The following TSC22D1 variants were observed in gnomAD, a reference collection of about 807,000 sequenced individuals.
TSC22D1 encodes the protein TSC22 domain family member 1.
In TSC22D1, 9 loss-of-function variants were observed where a neutral mutation model predicts 74.2. That is an observed-to-expected ratio of 0.12 (90% CI 0.07 to 0.21). The LOEUF (loss-of-function observed/expected upper bound fraction) is 0.21, where lower values mean the gene tolerates loss of function less well. Ranked by LOEUF, TSC22D1 falls within the 10% of genes least tolerant of loss-of-function variation. The pLI is 1.00. For synonymous variants in TSC22D1, 586 were observed against 492.5 expected (o/e 1.19, Z -2.51); for missense variants, 1,427 against 1,304.7 (o/e 1.09, Z -1.44).
At chr13:44,471,339 C>G (rs1877592441) in intron 1 of TSC22D1, among the ~76,000 whole-genome samples, 1 of 152,148 alleles carries the variant, frequency 6.6e-6, no homozygotes, top group Non-Finnish European at 1.5e-5. Context: ...CAGGTCAAAA[C>G]TAAATTATCT....
At chr13:44,478,148 A>T (rs1055307768) in intron 1 of TSC22D1, among the ~76,000 whole-genome samples, 2 of 152,292 alleles carry the variant, frequency 1.3e-5, no homozygotes, top group African/African-American at 4.8e-5. Flanking sequence ...TTTTTAAATT[A>T]CTTAAACAGT....
intron 1 of TSC22D1, among the ~76,000 whole-genome samples, chr13:44,442,704 G>A (rs1236081586): frequency 2.0e-5 from 3 of 151,956 alleles, no homozygotes; most frequent in Admixed American, 6.6e-5. Flanking sequence ...ATCTCTTTAG[G>A]TCAGGAGTTT....
chr13:44,575,198 T>C lies in TSC22D1; in HGVS notation c.877A>G (p.Met293Val), dbSNP rs1038030265. 2.5e-6 allele frequency: 4 copies of C among 1,614,064 alleles called. No individual in the cohort carries two copies. The highest frequency in any genetic ancestry group is 1.7e-6 in the Non-Finnish European group (2 of 1,180,038). ...SGSPASVMTN[M>V]RAPSTTGGIG... ...CCACCTGTAGTACTTGGAGCACGCA[T>C]ATTAGTCATTACAGATGCAGGTGAA... Residue 293 changes from methionine (M) to valine (V), a missense_variant, in exon 1 of 3, where the codon ATG (methionine) becomes GTG (valine). Met to Val is a conservative substitution (Grantham distance 21). This residue lies in a region of TSC22D1 where 1,343 missense variants were observed against 1,191.5 expected (regional missense o/e 1.13). Coordinates refer to ENST00000458659, the MANE Select transcript of TSC22D1 (RefSeq NM_183422.4).
chr13:44,453,430 G>A (rs922247819), intron 1 of TSC22D1, among the ~76,000 whole-genome samples: 2 of 152,082 alleles, frequency 1.3e-5, no homozygotes, highest in African/African-American at 2.4e-5. Context: ...AGTAGATTTC[G>A]GTTATGCATA....
rs184030043 is a variant in TSC22D1, at chr13:44,449,315, G to C, written c.2913-13220C>G. Among the ~76,000 whole-genome samples, 68 of 152,348 alleles carry C rather than the reference G, an allele frequency of 4.5e-4. No individual in the cohort carries two copies. In the East Asian group the frequency reaches 6.4e-3, roughly 14 times the overall value. The stretch of plus-strand genomic sequence containing the variant: ...AGACACAGAGCCACACTTGCTGACG[G>C]ACACATTACTTAGTGAATGTGCCTA... On this transcript the variant is annotated intron_variant, in intron 1 of 2. Coordinates refer to ENST00000458659, the MANE Select transcript of TSC22D1 (RefSeq NM_183422.4).
At chr13:44,558,983 T>C (rs1018499035) in intron 1 of TSC22D1, among the ~76,000 whole-genome samples, 1 of 152,196 alleles carries the variant, frequency 6.6e-6, no homozygotes. Context: ...TGTACAAATG[T>C]ATAAATCCTG....
chr13:44,435,873 G>A, intron 2 of TSC22D1, 171 bp downstream of exon 2: 4 of 707,288 alleles, frequency 5.7e-6, no homozygotes, highest in Non-Finnish European at 1.0e-5. Flanking sequence ...TCCCTCCACG[G>A]CTGCCGTGGT....
At chr13:44,567,118 G>A (rs1368374865) in intron 1 of TSC22D1, among the ~76,000 whole-genome samples, 1 of 152,214 alleles carries the variant, frequency 6.6e-6, no homozygotes, top group African/African-American at 2.4e-5. Flanking sequence ...CTGAAAACAG[G>A]GTTGAGTGAA....
At chr13:44,572,851 T>G (rs190176915) in intron 1 of TSC22D1, among the ~76,000 whole-genome samples, 1 of 152,208 alleles carries the variant, frequency 6.6e-6, no homozygotes. Flanking sequence ...TTAGCAAAAA[T>G]TAAGCTTTCC....
intron 1 of TSC22D1, among the ~76,000 whole-genome samples, chr13:44,457,061 T>A (rs1876698723): frequency 6.6e-6 from 1 of 152,232 alleles, no homozygotes; most frequent in Admixed American, 6.5e-5. Context: ...AAAACACCAA[T>A]TTGTTCCAAC....
At chr13:44,473,018 T>C (rs1040394491) in intron 1 of TSC22D1, among the ~76,000 whole-genome samples, 3 of 152,286 alleles carry the variant, frequency 2.0e-5, no homozygotes, top group Non-Finnish European at 4.4e-5. Context: ...ACGTCTTACA[T>C]AGATGGCAGT....
intron 1 of TSC22D1, chr13:44,436,480 G>A (rs7997320): frequency 0.39 from 627,041 of 1,607,458 alleles, 124,044 homozygotes; most frequent in Non-Finnish European, 0.41. Context: ...TAAATTTAAA[G>A]AAACTATCTT....
At chr13:44,547,443 T>C (rs767369002) in intron 1 of TSC22D1, among the ~76,000 whole-genome samples, 2 of 152,122 alleles carry the variant, frequency 1.3e-5, no homozygotes, top group Admixed American at 6.5e-5. Context: ...TTACATTAAA[T>C]AGCAAGTGTG....
chr13:44,538,474 T>A lies in TSC22D1; in HGVS notation c.2912+34689A>T, dbSNP rs891145837. 8 of 985,290 alleles carry A rather than the reference T, an allele frequency of 8.1e-6. No individual in the cohort carries two copies. The East Asian group carries it at 7.9e-4, about 98-fold the overall frequency. 61.0% of individuals were successfully genotyped at this position (985,290 alleles called of 1,614,324 possible). A position where few individuals can be genotyped will look rare whatever the true frequency, so the allele number is the denominator to read the frequency against. The stretch of plus-strand genomic sequence containing the variant: ...GGACTTCCTCTACTACTTAAAAAAA[T>A]GTTTGCCTACTTCATTAAGGTGATT... On this transcript the variant is annotated intron_variant, in intron 1 of 2. Coordinates refer to ENST00000458659, the MANE Select transcript of TSC22D1 (RefSeq NM_183422.4).
At chr13:44,572,677 T>C (rs1405846168) in intron 1 of TSC22D1, among the ~76,000 whole-genome samples, 1 of 152,236 alleles carries the variant, frequency 6.6e-6, no homozygotes, top group Non-Finnish European at 1.5e-5. Context: ...TCATCTTTCC[T>C]ACCATATCTG....
intron 1 of TSC22D1, among the ~76,000 whole-genome samples, chr13:44,533,451 CTG>C (rs1880968675): frequency 6.8e-6 from 1 of 146,944 alleles, no homozygotes; most frequent in Non-Finnish European, 1.5e-5. Context: ...GAGTAAGACT[CTG>C]TATCAAATAA....
intron 1 of TSC22D1, among the ~76,000 whole-genome samples, chr13:44,546,161 T>C (rs1476709978): frequency 6.6e-6 from 1 of 152,134 alleles, no homozygotes; most frequent in Non-Finnish European, 1.5e-5. Flanking sequence ...AGATGTTAAA[T>C]AATTAAATGT....
At chr13:44,551,720 C>A (rs182940700) in intron 1 of TSC22D1, among the ~76,000 whole-genome samples, 1 of 151,956 alleles carries the variant, frequency 6.6e-6, no homozygotes, top group Non-Finnish European at 1.5e-5. Flanking sequence ...CGTGCCCGGC[C>A]GCCATCAGCT....
At position 44,574,991 on chromosome 13, in the gene TSC22D1, T is replaced by G. The variant is rs1235686737; in HGVS notation, c.1084A>C (p.Asn362His). Residue 362 changes from asparagine (N) to histidine (H), a missense_variant, in exon 1 of 3, where the codon AAT (asparagine) becomes CAT (histidine). Physicochemically the swap from Asn to His is moderately conservative, Grantham distance 68. This residue lies in a region of TSC22D1 where 1,343 missense variants were observed against 1,191.5 expected (regional missense o/e 1.13). Coordinates refer to ENST00000458659, the MANE Select transcript of TSC22D1 (RefSeq NM_183422.4). ...GPGVTSGVNVNILSGMGNGTI... is the reference protein window; with the variant it reads ...GPGVTSGVNVHILSGMGNGTI... ...CCATTGCCCATGCCACTCAAGATAT[T>G]CACATTAACACCACTGGTAACTCCA... The G allele has an allele frequency of 6.2e-7, 1 of 1,614,042 alleles. No homozygotes were observed. Among genetic ancestry groups the G allele is most frequent in the Non-Finnish European group, 8.5e-7 (1 of 1,180,024 alleles).
Sources: allele counts gnomAD v4.1 joint callset (sites outside exome capture counted in the v4.1 genomes callset), GRCh38; gene constraint gnomAD v4.1.1; regional missense constraint gnomAD v4.1.1; transcripts MANE v1.5; gene names NCBI Gene and HGNC (gene_info 2026-07-23, HGNC 2026-07-21).